LRFN5: variants seen among roughly 807,000 people sequenced by gnomAD.
The protein encoded by LRFN5 is leucine rich repeat and fibronectin type III domain containing 5.
In LRFN5, 24 loss-of-function variants were observed where a neutral mutation model predicts 45.6. The observed-to-expected ratio is 0.53, with a 90% CI of 0.38 to 0.74. The LOEUF is 0.74. Ranked by LOEUF, LRFN5 falls within the 30% of genes least tolerant of loss-of-function variation. The probability of loss-of-function intolerance (pLI) is 0.00; values close to 1 mark genes in which losing one functional copy is unlikely to be tolerated. For synonymous variants in LRFN5, 340 were observed against 313.8 expected, an observed-to-expected ratio of 1.08 and a Z score of -0.88; for missense variants, 776 against 861.5, an observed-to-expected ratio of 0.90 and a Z score of 1.24.
At chr14:41,795,750 G>A (rs950765131) in intron 2 of LRFN5, among the ~76,000 whole-genome samples, 10 of 151,606 alleles carry the variant, frequency 6.6e-5, no homozygotes, top group African/African-American at 2.4e-4. Flanking sequence ...CACAGAGTGG[G>A]GAACATCACA....
chr14:41,693,874 T>C (rs923599812), intron 1 of LRFN5, among the ~76,000 whole-genome samples: 1 of 152,028 alleles, frequency 6.6e-6, no homozygotes, highest in African/African-American at 2.4e-5. Context: ...GTGTCCTCCA[T>C]TGGTTTAATG....
intron 2 of LRFN5, among the ~76,000 whole-genome samples, chr14:41,879,007 C>A (rs1289224341): frequency 6.6e-6 from 1 of 151,910 alleles, no homozygotes; most frequent in Admixed American, 6.6e-5. Context: ...TGGGAAAAAT[C>A]ATTAATCACA....
intron 2 of LRFN5, among the ~76,000 whole-genome samples, chr14:41,788,332 A>G (rs1473795002): frequency 6.6e-6 from 1 of 151,862 alleles, no homozygotes; most frequent in Admixed American, 6.6e-5. Flanking sequence ...TGTATGGCAG[A>G]TTCATTCTCC....
At chr14:41,781,641 AAGAAAG>A (rs1886524805) in intron 2 of LRFN5, among the ~76,000 whole-genome samples, 3 of 150,430 alleles carry the variant, frequency 2.0e-5, no homozygotes, top group African/African-American at 7.4e-5. Flanking sequence ...AAAGGAAAGA[AAGAAAG>A]AGAAAGAAAG....
At chr14:41,844,301 G>A (rs955196382) in intron 2 of LRFN5, among the ~76,000 whole-genome samples, 2 of 151,864 alleles carry the variant, frequency 1.3e-5, no homozygotes, top group African/African-American at 4.8e-5. Flanking sequence ...GCCAGGCGTG[G>A]TGGTGGGCAC....
intron 1 of LRFN5, among the ~76,000 whole-genome samples, chr14:41,623,123 C>A (rs551085007): frequency 2.0e-5 from 3 of 152,102 alleles, no homozygotes; most frequent in Non-Finnish European, 4.4e-5. Flanking sequence ...AGCTTTCCAG[C>A]CCTCTAAAGG....
chr14:41,786,552 T>A (rs998259551), intron 2 of LRFN5, among the ~76,000 whole-genome samples: 1 of 151,586 alleles, frequency 6.6e-6, no homozygotes, highest in African/African-American at 2.4e-5. Flanking sequence ...AGTTTTTTTT[T>A]TTTTGCAGAA....
intron 1 of LRFN5, among the ~76,000 whole-genome samples, chr14:41,710,204 C>T (rs577381765): frequency 6.6e-6 from 1 of 152,148 alleles, no homozygotes; most frequent in South Asian, 2.1e-4. Flanking sequence ...TATAATACTG[C>T]AAGAAAGTAT....
intron 2 of LRFN5, among the ~76,000 whole-genome samples, chr14:41,773,826 A>G (rs747937473): frequency 3.3e-5 from 5 of 152,222 alleles, no homozygotes; most frequent in African/African-American, 4.8e-5. Context: ...GCATTAAACT[A>G]TTGTGGTTAA....
intron 1 of LRFN5, among the ~76,000 whole-genome samples, chr14:41,746,992 G>A (rs1006393622): frequency 3.3e-5 from 5 of 151,846 alleles, no homozygotes; most frequent in Non-Finnish European, 7.4e-5. Context: ...AGGAATAAAC[G>A]TAACAAAGGA....
At chr14:41,718,176 AG>A (rs1201379623) in intron 1 of LRFN5, among the ~76,000 whole-genome samples, 10 of 152,202 alleles carry the variant, frequency 6.6e-5, no homozygotes, top group Admixed American at 6.5e-4. Flanking sequence ...GTGACCTTGG[AG>A]AAGTTACTTG....
chr14:41,770,176 A>G (rs1052114731), intron 2 of LRFN5, among the ~76,000 whole-genome samples: 1 of 152,156 alleles, frequency 6.6e-6, no homozygotes, highest in Admixed American at 6.5e-5. Context: ...GCCATTCATG[A>G]GGTATCTATC....
intron 2 of LRFN5, among the ~76,000 whole-genome samples, chr14:41,873,608 CCTTT>C (rs1890096013): frequency 6.6e-6 from 1 of 151,886 alleles, no homozygotes; most frequent in African/African-American, 2.4e-5. Flanking sequence ...TGTGGGTATG[CCTTT>C]CTTCTCCCAT....
intron 1 of LRFN5, among the ~76,000 whole-genome samples, chr14:41,745,259 CAT>C (rs1257447870): frequency 2.6e-5 from 4 of 151,960 alleles, no homozygotes; most frequent in South Asian, 2.1e-4. Flanking sequence ...AATTAAATAA[CAT>C]ATATTTGTGG....
intron 2 of LRFN5, among the ~76,000 whole-genome samples, chr14:41,839,885 C>G (rs1888799542): frequency 6.6e-6 from 1 of 152,056 alleles, no homozygotes; most frequent in Admixed American, 6.6e-5. Context: ...TTTGATAATA[C>G]AGAGGGGAAC....
At chr14:41,632,472 A>G (rs1050058752) in intron 1 of LRFN5, among the ~76,000 whole-genome samples, 2 of 152,074 alleles carry the variant, frequency 1.3e-5, no homozygotes, top group Admixed American at 6.6e-5. Context: ...CTGTGGTGGT[A>G]TGCACCTTTA....
At chr14:41,892,360 A>G (rs556368965) in intron 4 of LRFN5, 40 of 984,888 alleles carry the variant, frequency 4.1e-5, no homozygotes, top group South Asian at 2.4e-4. Context: ...GGAAACATAA[A>G]TAAAATGGAT....
In LRFN5 at chr14:41,887,031, A is replaced by T; in HGVS notation, c.406A>T (p.Thr136Ser). Residue 136 changes from threonine (T) to serine (S), a missense_variant, in exon 3 of 6, where the codon ACT becomes TCT. By Grantham distance (58) the Thr-to-Ser change is moderately conservative. Around this residue, in one of 2 missense-constraint regions of LRFN5, gnomAD observed 311 missense variants for 405.1 expected, o/e 0.77. Transcript: ENST00000298119. The surrounding 1 kb of genome is among the most constrained non-coding windows in gnomAD (Gnocchi z 4.8). Reference protein sequence around the residue: ...HHLILNNNQLTLISSTAFDDV... With the variant: ...HHLILNNNQLSLISSTAFDDV... ...TTTGATACTGAACAACAATCAGCTG[A>T]CTTTAATTTCCTCTACAGCGTTTGA... 6.2e-7 allele frequency: 1 copy of T among 1,614,176 alleles called. No homozygotes were observed. The highest frequency in any genetic ancestry group is 1.1e-5 in the South Asian group (1 of 91,080).
intron 2 of LRFN5, among the ~76,000 whole-genome samples, chr14:41,846,262 T>G (rs1594460884): frequency 6.6e-6 from 1 of 151,998 alleles, no homozygotes; most frequent in African/African-American, 2.4e-5. Context: ...TCTGGCAATT[T>G]TACTCCTAGG....
Sources: gnomAD v4.1 joint callset for allele counts (sites outside exome capture counted in the v4.1 genomes callset) on GRCh38, gnomAD v4.1.1 for gene constraint, gnomAD v4.1.1 regional missense constraint, Gnocchi (gnomAD v3.1) non-coding constraint, MANE v1.5 for transcripts, NCBI Gene and HGNC (gene_info 2026-07-23, HGNC 2026-07-21) for gene names.